The following CAST variants were observed in gnomAD, a reference collection of about 807,000 sequenced individuals.
CAST encodes the protein calpastatin, also known as MIR583 host.
Under a neutral mutation model 119.6 loss-of-function variants are expected in CAST, and 76 were observed. That is an observed-to-expected ratio of 0.64 (90% CI 0.53 to 0.77). CAST has a LOEUF of 0.77. Ranked by LOEUF, CAST falls within the 30% of genes least tolerant of loss-of-function variation. The probability of loss-of-function intolerance (pLI) is 0.00; values close to 1 mark genes in which losing one functional copy is unlikely to be tolerated. For synonymous variants in CAST, 319 were observed against 331.6 expected (o/e 0.96, Z 0.41); for missense variants, 953 against 946.5 (o/e 1.01, Z -0.09).
chr5:96,184,093 T>G, the CAST span, among the ~76,000 whole-genome samples: 1 of 152,190 alleles, frequency 6.6e-6, no homozygotes, highest in Admixed American at 6.5e-5. Context: ...AAATTATACA[T>G]ACTGACATTG....
chr5:96,063,354 T>C, the CAST span, among the ~76,000 whole-genome samples: 1 of 152,280 alleles, frequency 6.6e-6, no homozygotes. Context: ...CCTTGAGACT[T>C]GGGTGGTCCA....
chr5:96,733,112 G>C (rs1760899667), intron 9 of CAST, among the ~76,000 whole-genome samples: 1 of 152,074 alleles, frequency 6.6e-6, no homozygotes, highest in Non-Finnish European at 1.5e-5. Context: ...AATTAATACA[G>C]GTCTCCTATG....
chr5:96,189,219 G>A, the CAST span, among the ~76,000 whole-genome samples: 10 of 151,782 alleles, frequency 6.6e-5, no homozygotes, highest in African/African-American at 2.4e-5. Context: ...CTTGGTTTTC[G>A]CCTTTGCTTT....
the CAST span, among the ~76,000 whole-genome samples, chr5:96,245,395 T>A: frequency 0.012 from 1,795 of 152,182 alleles, 28 homozygotes; most frequent in African/African-American, 0.038. Flanking sequence ...AACCACTTTA[T>A]CTTTAACTGT....
the CAST span, among the ~76,000 whole-genome samples, chr5:96,004,675 G>T: frequency 6.6e-6 from 1 of 152,300 alleles, no homozygotes; most frequent in Non-Finnish European, 1.5e-5. Flanking sequence ...TAGAGTTGAT[G>T]ATTGGGTTTA....
intron 7 of CAST, 115 bp from the exon 8 acceptor site, chr5:96,729,497 A>G (rs1334134953): frequency 1.1e-5 from 7 of 645,884 alleles, no homozygotes; most frequent in South Asian, 1.9e-5. Flanking sequence ...CAGACAGCAC[A>G]ACTGTTATGA....
chr5:96,189,982 G>A, the CAST span, among the ~76,000 whole-genome samples: 1 of 152,122 alleles, frequency 6.6e-6, no homozygotes, highest in Non-Finnish European at 1.5e-5. Flanking sequence ...ATGTCTGGTA[G>A]TCCTTGCTTA....
chr5:96,333,594 GC>G, the CAST span, among the ~76,000 whole-genome samples: 13 of 152,162 alleles, frequency 8.5e-5, no homozygotes, highest in Admixed American at 7.9e-4. Flanking sequence ...CAGGTCCAAA[GC>G]TGAAGCTCCT....
At chr5:96,529,527 C>T (rs765900662), upstream of CAST, among the ~76,000 whole-genome samples, 3 of 151,982 alleles carry the variant, frequency 2.0e-5, no homozygotes, top group Non-Finnish European at 2.9e-5. Flanking sequence ...TTTTTGAGAC[C>T]TGTTTAAGGC....
At chr5:96,047,367 C>G in the CAST span, among the ~76,000 whole-genome samples, 7 of 152,028 alleles carry the variant, frequency 4.6e-5, no homozygotes, top group African/African-American at 7.2e-5. Flanking sequence ...TTCTACTGCC[C>G]TCTGTTCTTT....
intron 25 of CAST, chr5:96,762,926 A>G: frequency 5.8e-6 from 3 of 520,614 alleles, no homozygotes; most frequent in Non-Finnish European, 6.9e-6. Context: ...AATTATTTAC[A>G]TGCTGTGAGG....
chr5:96,510,453 T>C, the CAST span, among the ~76,000 whole-genome samples: 4 of 152,232 alleles, frequency 2.6e-5, no homozygotes, highest in African/African-American at 9.6e-5. Context: ...ATATCTACGC[T>C]GAAGCTCTGG....
chr5:96,417,975 G>T, the CAST span, among the ~76,000 whole-genome samples: 2 of 152,230 alleles, frequency 1.3e-5, no homozygotes, highest in African/African-American at 4.8e-5. Flanking sequence ...GTCAGCAAAA[G>T]AATCCAGTGC....
the CAST span, among the ~76,000 whole-genome samples, chr5:96,105,664 A>C: frequency 1.3e-5 from 2 of 152,168 alleles, no homozygotes; most frequent in African/African-American, 4.8e-5. Flanking sequence ...TTTTTGCATC[A>C]ATGTTCATCA....
rs1017382582 is a variant in CAST at position 96,592,605 on chromosome 5, G to A, written c.60+62725G>A. 1.3e-4 allele frequency among the ~76,000 whole-genome samples: 20 copies of A among 151,654 alleles called. No individual in the cohort carries two copies. In the South Asian group the frequency reaches 4.0e-3, roughly 30 times the overall value. On this transcript the variant is annotated intron_variant, in intron 1 of 11. Transcript: ENST00000505143. ...GACTTTAAGTTGGTTTCTCTCTATA[G>A]TTTTTTTTCCAAACCTATTTTCCAC...
the CAST span, among the ~76,000 whole-genome samples, chr5:96,304,716 C>G: frequency 6.6e-6 from 1 of 152,176 alleles, no homozygotes; most frequent in Admixed American, 6.5e-5. Context: ...AATCCTTTCC[C>G]CATAGCTCGT....
the CAST span, among the ~76,000 whole-genome samples, chr5:96,450,281 G>T: frequency 2.0e-5 from 3 of 152,164 alleles, no homozygotes; most frequent in Admixed American, 2.0e-4. Flanking sequence ...ATAAAATTAT[G>T]TCTTTTGCAG....
At chr5:96,031,728 T>C in the CAST span, among the ~76,000 whole-genome samples, 4 of 152,134 alleles carry the variant, frequency 2.6e-5, no homozygotes, top group Admixed American at 6.6e-5. Flanking sequence ...TTTTGTTTTG[T>C]TTTTCTTCAT....
At chr5:96,548,467 G>T (rs571505544) in intron 1 of CAST, among the ~76,000 whole-genome samples, 1 of 152,242 alleles carries the variant, frequency 6.6e-6, no homozygotes, top group South Asian at 2.1e-4. Flanking sequence ...GGATCCTGCA[G>T]AATAACACAT....
Sources: gnomAD v4.1 joint callset for allele counts (sites outside exome capture counted in the v4.1 genomes callset) on GRCh38, gnomAD v4.1.1 for gene constraint, MANE v1.5 for transcripts, NCBI Gene and HGNC (gene_info 2026-07-23, HGNC 2026-07-21) for gene names.